MBD5: variants seen among roughly 807,000 people sequenced by gnomAD.
MBD5 encodes the protein methyl-CpG-binding domain protein 5.
In MBD5, 13 loss-of-function variants were observed where a neutral mutation model predicts 117.3. The ratio of observed to expected loss-of-function variants is 0.11; its 90% CI spans 0.07 to 0.18. The LOEUF (loss-of-function observed/expected upper bound fraction) is 0.18. Among genes scored for constraint, MBD5 ranks in the 10% least tolerant of loss-of-function variants. The pLI, the probability that MBD5 is intolerant of heterozygous loss-of-function variation, is 1.00. For missense variants in MBD5, 1,879 were observed against 2,093.8 expected (o/e 0.90, Z 2.00); for synonymous variants, 727 against 766.4 (o/e 0.95, Z 0.85).
At chr2:148,379,235 CA>C (rs1359907215) in intron 4 of MBD5, among the ~76,000 whole-genome samples, 1 of 150,976 alleles carries the variant, frequency 6.6e-6, no homozygotes. Context: ...TCATCAAATA[CA>C]AAAAAAAGAT....
chr2:148,404,495 C>T (rs1181733713), intron 4 of MBD5, among the ~76,000 whole-genome samples: 2 of 152,154 alleles, frequency 1.3e-5, no homozygotes, highest in African/African-American at 4.8e-5. Flanking sequence ...TCTCTCTTCT[C>T]TAGCATTCTA....
intron 4 of MBD5, among the ~76,000 whole-genome samples, chr2:148,359,331 AT>A (rs1460874982): frequency 6.6e-6 from 1 of 151,800 alleles, no homozygotes; most frequent in African/African-American, 2.4e-5. Flanking sequence ...TCAAAATGCT[AT>A]TTCATAGGGT....
At chr2:148,217,836 A>C (rs1699593027) in intron 2 of MBD5, among the ~76,000 whole-genome samples, 1 of 152,106 alleles carries the variant, frequency 6.6e-6, no homozygotes, top group Admixed American at 6.6e-5. Flanking sequence ...GATGAGAGAC[A>C]TATAATCTCC....
At chr2:148,142,339 T>C (rs1490921722) in intron 1 of MBD5, among the ~76,000 whole-genome samples, 1 of 152,176 alleles carries the variant, frequency 6.6e-6, no homozygotes, top group African/African-American at 2.4e-5. Context: ...GAGAAGATTG[T>C]GAGGTGCTTC....
intron 12 of MBD5, among the ~76,000 whole-genome samples, chr2:148,505,869 C>T (rs1199741265): frequency 1.3e-5 from 2 of 152,198 alleles, no homozygotes; most frequent in African/African-American, 4.8e-5. Flanking sequence ...GTTTCTACCA[C>T]TTCATAGCTG....
chr2:148,115,479 G>T (rs1385831022), intron 1 of MBD5, among the ~76,000 whole-genome samples: 1 of 152,168 alleles, frequency 6.6e-6, no homozygotes, highest in South Asian at 2.1e-4. Context: ...GAAAATGCAT[G>T]TAAGGTATTT....
chr2:148,044,589 T>G (rs991201314), intron 1 of MBD5: 1 of 152,140 alleles, frequency 6.6e-6, no homozygotes, highest in African/African-American at 2.4e-5. Flanking sequence ...TAAATAAATA[T>G]AAGATGATGA....
chr2:148,436,578 G>C (rs1706163391), intron 4 of MBD5, among the ~76,000 whole-genome samples: 1 of 151,940 alleles, frequency 6.6e-6, no homozygotes, highest in South Asian at 2.1e-4. Flanking sequence ...CTCCATGTTG[G>C]TTAGGCTGGT....
intron 9 of MBD5, among the ~76,000 whole-genome samples, chr2:148,484,669 C>T (rs1681278670): frequency 6.6e-6 from 1 of 152,202 alleles, no homozygotes; most frequent in Non-Finnish European, 1.5e-5. Flanking sequence ...AGGGAACAGA[C>T]AGCCCCTCTA....
At chr2:148,403,380 A>G (rs10167314) in intron 4 of MBD5, among the ~76,000 whole-genome samples, 77,617 of 151,798 alleles carry the variant, frequency 0.51, 20,142 homozygotes, top group East Asian at 0.75. Context: ...GGGTTTCACC[A>G]TGTTGGCCAG....
At chr2:148,135,858 C>T (rs1341406625) in intron 1 of MBD5, among the ~76,000 whole-genome samples, 4 of 152,162 alleles carry the variant, frequency 2.6e-5, no homozygotes, top group African/African-American at 9.7e-5. Context: ...CCTAGGACCA[C>T]ATATGTGGGC....
intron 1 of MBD5, chr2:148,070,974 C>T (rs1695336485): frequency 6.6e-6 from 1 of 151,872 alleles, no homozygotes; most frequent in Non-Finnish European, 1.5e-5. Context: ...GCCTCAGCCT[C>T]CCGAGTAGCT....
At chr2:148,231,459 T>C (rs1231906299) in intron 2 of MBD5, among the ~76,000 whole-genome samples, 1 of 152,182 alleles carries the variant, frequency 6.6e-6, no homozygotes, top group African/African-American at 2.4e-5. Context: ...AGACTGTTTT[T>C]CCTACCTGTT....
At chr2:148,107,549 G>A (rs1321852502) in intron 1 of MBD5, among the ~76,000 whole-genome samples, 4 of 151,594 alleles carry the variant, frequency 2.6e-5, no homozygotes, top group Admixed American at 2.6e-4. Context: ...ACTATATTTG[G>A]TATAATTTTT....
At chr2:148,155,213 C>G (rs1240024338) in intron 1 of MBD5, among the ~76,000 whole-genome samples, 5 of 152,132 alleles carry the variant, frequency 3.3e-5, no homozygotes, top group Non-Finnish European at 7.3e-5. Flanking sequence ...GAAGTCATCA[C>G]TGAAAAGTTA....
At chr2:148,247,422 G>T (rs1020728474) in intron 3 of MBD5, among the ~76,000 whole-genome samples, 5 of 152,092 alleles carry the variant, frequency 3.3e-5, no homozygotes, top group Non-Finnish European at 7.4e-5. Flanking sequence ...TATGGTAGGA[G>T]GAATATTTTA....
At chr2:148,479,437 A>G (rs577513864) in intron 8 of MBD5, among the ~76,000 whole-genome samples, 56 of 152,298 alleles carry the variant, frequency 3.7e-4, no homozygotes, top group African/African-American at 1.3e-3. Context: ...ATGATTTTAC[A>G]ATCTTTTTAA....
At chr2:148,481,333 G>C (rs1681146683) in intron 8 of MBD5, among the ~76,000 whole-genome samples, 2 of 152,110 alleles carry the variant, frequency 1.3e-5, no homozygotes, top group South Asian at 4.2e-4. Flanking sequence ...GTGAAAACAA[G>C]AAGAATATAA....
chr2:148,382,531 C>T (rs1212575891), intron 4 of MBD5, among the ~76,000 whole-genome samples: 1 of 152,140 alleles, frequency 6.6e-6, no homozygotes, highest in Non-Finnish European at 1.5e-5. Context: ...CCACTGTCAA[C>T]ATTAGACAGA....
Sources: gnomAD v4.1 joint callset for allele counts (sites outside exome capture counted in the v4.1 genomes callset) on GRCh38, gnomAD v4.1.1 for gene constraint, MANE v1.5 for transcripts, NCBI Gene and HGNC (gene_info 2026-07-23, HGNC 2026-07-21) for gene names.